MEX3A: variants seen among roughly 807,000 people sequenced by gnomAD.
MEX3A encodes the protein mex-3 RNA binding family member A.
MEX3A carries 4 observed loss-of-function variants against 30.0 expected under a neutral mutation model. The ratio of observed to expected loss-of-function variants is 0.13; its 90% confidence interval spans 0.07 to 0.30. MEX3A has a LOEUF of 0.30. MEX3A is among the 10% of genes least tolerant of loss of function. The pLI is 1.00. For missense variants in MEX3A, 555 were observed against 736.7 expected, an observed-to-expected ratio of 0.75 and a Z score of 2.86; for synonymous variants, 335 against 327.6, an observed-to-expected ratio of 1.02 and a Z score of -0.24.
chr1:156,078,713 C>G (rs985431329), intron 1 of MEX3A, among the ~76,000 whole-genome samples: 5 of 152,192 alleles, frequency 3.3e-5, no homozygotes, highest in Non-Finnish European at 7.3e-5. Flanking sequence ...CTTCCCTGCT[C>G]CTAGCTTCAC....
At chr1:156,078,117 T>C (rs1427950373) in intron 1 of MEX3A, among the ~76,000 whole-genome samples, 1 of 152,136 alleles carries the variant, frequency 6.6e-6, no homozygotes, top group East Asian at 1.9e-4. Context: ...ACCCCCCACA[T>C]CTGTCACTGA....
At chr1:156,080,069 C>G (rs2102778081) in intron 1 of MEX3A, among the ~76,000 whole-genome samples, 1 of 152,298 alleles carries the variant, frequency 6.6e-6, no homozygotes, top group Middle Eastern at 3.4e-3. Flanking sequence ...AATCCCCTTA[C>G]TTTTATGAGG....
rs1648252608 is a variant in MEX3A at position 156,081,758 on chromosome 1, G to A, written c.241C>T (p.Pro81Ser). 3 of 836,686 alleles carry A rather than the reference G, an allele frequency of 3.6e-6. No homozygotes were observed. Among genetic ancestry groups the A allele is most frequent in the Non-Finnish European group, 4.3e-6 (3 of 695,846 alleles). 51.8% of individuals were successfully genotyped at this position (836,686 alleles called of 1,614,324 possible). Residue 81 changes from proline (P) to serine (S), a missense_variant, in exon 1 of 2, where the codon CCG becomes TCG. Around this residue, in one of 6 missense-constraint regions of MEX3A, gnomAD observed 159 missense variants for 159.9 expected, o/e 0.99. Transcript: ENST00000532414. Reference protein sequence around the residue: ...AQPAAPPQPAPPPPPAAPPAA... With the variant: ...AQPAAPPQPASPPPPAAPPAA... ...GGGGGCGCCGCGGGCGGCGGCGGCG[G>A]GGCCGGCTGCGGGGGGGCGGCCGGC...
chr1:156,079,338 C>T lies in MEX3A; in HGVS notation c.455-1656G>A, dbSNP rs183427773. Among the ~76,000 whole-genome samples the T allele has an allele frequency of 6.3e-3, 958 of 152,080 alleles. 3 individuals are homozygous for T. The highest frequency in any genetic ancestry group is 0.017 in the Middle Eastern group (5 of 292). ...AAGCGATTCTCCTGCCTCAGCCTCC[C>T]GAGTAGCTGGGATCACAGGCACCTG... On this transcript the variant is annotated intron_variant, in intron 1 of 1. Coordinates refer to ENST00000532414, the MANE Select transcript of MEX3A (RefSeq NM_001093725.2).
At chr1:156,079,418 G>C (rs1168265271) in intron 1 of MEX3A, among the ~76,000 whole-genome samples, 4 of 152,044 alleles carry the variant, frequency 2.6e-5, no homozygotes, top group Non-Finnish European at 5.9e-5. Context: ...GTTTCACCAC[G>C]TTGGCCAGGC....
rs769117344 is a variant in MEX3A at position 156,076,563 on chromosome 1, G to C, written c.*11C>G. On this transcript the variant is annotated 3_prime_UTR_variant, in exon 2 of 2. Coordinates refer to ENST00000532414, the MANE Select transcript of MEX3A (RefSeq NM_001093725.2). The surrounding 1 kb of genome is among the most constrained non-coding windows in gnomAD (Gnocchi z 6.0). ...CAGTGGAGTGGGCCCCGGAGGCATGGGGCACGGGGCTTAGGAGAATATTCG... is the reference window on the plus strand; with the variant it reads ...CAGTGGAGTGGGCCCCGGAGGCATGCGGCACGGGGCTTAGGAGAATATTCG... The C allele has an allele frequency of 1.2e-6, 2 of 1,601,384 alleles. No individual in the cohort carries two copies. The highest frequency in any genetic ancestry group is 8.5e-7 in the Non-Finnish European group (1 of 1,171,262).
chr1:156,076,020 C>T lies in MEX3A; in HGVS notation c.*554G>A, dbSNP rs906118737. 6.6e-6 allele frequency: 1 copy of T among 152,600 alleles called. No individual in the cohort carries two copies. The highest frequency in any genetic ancestry group is 2.4e-5 in the African/African-American group (1 of 41,422). 9.5% of individuals were successfully genotyped at this position (152,600 alleles called of 1,614,324 possible). On this transcript the variant is annotated 3_prime_UTR_variant, in exon 2 of 2. Transcript: ENST00000532414. The surrounding 1 kb of genome is among the most constrained non-coding windows in gnomAD (Gnocchi z 6.0). ...AAGATCTATGCAACTTCTGATAGGACTCCAACTCCCTTACACTGCTGGAAA... is the reference window on the plus strand; with the variant it reads ...AAGATCTATGCAACTTCTGATAGGATTCCAACTCCCTTACACTGCTGGAAA...
In MEX3A at chr1:156,081,672, C is replaced by T. The variant is rs747610501; in HGVS notation, c.327G>A (p.Gly109=). ...QTPQPPTAPK[G]ASDAKLCALY... is the part of the protein sequence containing the mutation. ...GAGCGCAGAGCTTGGCGTCGCTCGC[C>T]CCTTTGGGGGCGGTGGGGGGCTGGG... Residue 109 remains glycine (G), a synonymous_variant, in exon 1 of 2, where the codon GGG becomes GGA. Coordinates refer to ENST00000532414, the MANE Select transcript of MEX3A (RefSeq NM_001093725.2). The T allele has an allele frequency of 8.0e-5, 119 of 1,496,382 alleles. No homozygotes were observed. The highest frequency in any genetic ancestry group is 1.3e-4 in the Admixed American group (6 of 47,138). The allele number at this position is 1,496,382 out of a possible 1,614,324, so 92.7% of individuals were successfully genotyped here. A position where few individuals can be genotyped will look rare whatever the true frequency, so the allele number is the denominator to read the frequency against.
In MEX3A at chr1:156,075,314, G is replaced by GTTCAGGTCAGGTTGA. The variant is rs1648025795; in HGVS notation, c.*1259_*1260insTCAACCTGACCTGAA. On this transcript the variant is annotated 3_prime_UTR_variant, in exon 2 of 2. Coordinates refer to ENST00000532414, the MANE Select transcript of MEX3A (RefSeq NM_001093725.2). ...TCAGGTCAGGTTGAGAGGGGTGCAG[G>GTTCAGGTCAGGTTGA]GAGTCGGGCACTGCATGGGAGGAGC... 3 of 152,312 alleles carry GTTCAGGTCAGGTTGA rather than the reference G, an allele frequency of 2.0e-5. No homozygotes were observed. The highest frequency in any genetic ancestry group is 7.2e-5 in the African/African-American group (3 of 41,428). The allele number at this position is 152,312 out of a possible 1,614,324, so 9.4% of individuals were successfully genotyped here. A position where few individuals can be genotyped will look rare whatever the true frequency, so the allele number is the denominator to read the frequency against.
At chr1:156,079,348 G>A (rs1472401766) in intron 1 of MEX3A, among the ~76,000 whole-genome samples, 1 of 152,014 alleles carries the variant, frequency 6.6e-6, no homozygotes, top group African/African-American at 2.4e-5. Flanking sequence ...CGAGTAGCTG[G>A]GATCACAGGC....
Position 156,082,027 on chromosome 1 carries a change from A to AGG in MEX3A, c.-31_-30dup. The AGG allele has an allele frequency of 4.4e-6, 5 of 1,145,336 alleles. No individual in the cohort carries two copies. The highest frequency in any genetic ancestry group is 5.7e-6 in the Non-Finnish European group (5 of 872,950). 70.9% of individuals were successfully genotyped at this position (1,145,336 alleles called of 1,614,324 possible). On this transcript the variant is annotated 5_prime_UTR_variant, in exon 1 of 2. Transcript: ENST00000532414. ...GAAACAAAAGCTGGGGGAGAGAGAG[A>AGG]GGGAGAGAGAGAGAGAGAGGTGGTG...
chr1:156,078,126 G>T (rs1476732045), intron 1 of MEX3A, among the ~76,000 whole-genome samples: 3 of 152,022 alleles, frequency 2.0e-5, no homozygotes, highest in Non-Finnish European at 4.4e-5. Context: ...ATCTGTCACT[G>T]ACCCTGATCT....
rs1648004606 is a variant in MEX3A at position 156,074,531 on chromosome 1, A to C, written c.*2043T>G. 1 of 146,162 alleles carries C rather than the reference A, an allele frequency of 6.8e-6. No individual in the cohort carries two copies. The highest frequency in any genetic ancestry group is 1.5e-5 in the Non-Finnish European group (1 of 67,024). The allele number at this position is 146,162 out of a possible 1,614,324, so 9.1% of individuals were successfully genotyped here. On this transcript the variant is annotated 3_prime_UTR_variant, in exon 2 of 2. Coordinates refer to ENST00000532414, the MANE Select transcript of MEX3A (RefSeq NM_001093725.2). ...CTATTCGTGTTTTGTGTTTGTTTCT[A>C]GGTTTGGCTCAATTGGTAAGGGTGG...
Position 156,077,376 on chromosome 1 carries a change from T to C in MEX3A, c.761A>G (p.Asn254Ser). 1 of 1,613,546 alleles carries C rather than the reference T, an allele frequency of 6.2e-7. No individual in the cohort carries two copies. Among genetic ancestry groups the C allele is most frequent in the South Asian group, 1.1e-5 (1 of 91,054 alleles). ...ATIKRIQQQT[N>S]TYIITPSRDR... ...ACGGCTTGGTGTGATAATGTATGTG[T>C]TGGTTTGCTGCTGGATGCGCTTGAT... Residue 254 changes from asparagine to serine, a missense_variant, in exon 2 of 2, where the codon AAC becomes AGC. Transcript: ENST00000532414. The surrounding 1 kb of genome is among the most constrained non-coding windows in gnomAD (Gnocchi z 8.3).
Position 156,076,407 on chromosome 1 carries a change from A to C in MEX3A, c.*167T>G. 4.5e-6 allele frequency: 3 copies of C among 665,064 alleles called. No individual in the cohort carries two copies. Among genetic ancestry groups the C allele is most frequent in the Non-Finnish European group, 4.8e-6 (2 of 413,040 alleles). 41.2% of individuals were successfully genotyped at this position (665,064 alleles called of 1,614,324 possible). A position where few individuals can be genotyped will look rare whatever the true frequency, so the allele number is the denominator to read the frequency against. On this transcript the variant is annotated 3_prime_UTR_variant, in exon 2 of 2. Coordinates refer to ENST00000532414, the MANE Select transcript of MEX3A (RefSeq NM_001093725.2). This position sits in a 1 kb window ranked among gnomAD's most constrained non-coding sequence, Gnocchi z 6.0. ...CAGGACAGGGTGACCAGAGGCTCTG[A>C]AAGTGGCGCACCCTCCAGCCACCAC...
chr1:156,081,691 G>A lies in MEX3A; in HGVS notation c.308C>T (p.Pro103Leu). The change falls in exon 1 of 2, where the codon CCC becomes CTC. Residue 103 changes from proline (P) to leucine (L), a missense_variant. This residue lies in a region of MEX3A where 159 missense variants were observed against 159.9 expected (regional missense o/e 0.99). Transcript: ENST00000532414. ...GCTCGCCCCTTTGGGGGCGGTGGGG[G>A]GCTGGGGCGTCTGCGCTGCGGGGGC... ...TAAPAAQTPQPPTAPKGASDA... is the reference protein window; with the variant it reads ...TAAPAAQTPQLPTAPKGASDA... 1 of 1,371,208 alleles carries A rather than the reference G, an allele frequency of 7.3e-7. No homozygotes were observed. Among genetic ancestry groups the A allele is most frequent in the Non-Finnish European group, 9.5e-7 (1 of 1,051,828 alleles). The allele number at this position is 1,371,208 out of a possible 1,614,324, so 84.9% of individuals were successfully genotyped here.
At position 156,081,455 on chromosome 1, in the gene MEX3A, C is replaced by A. The variant is rs1402458262; in HGVS notation, c.454+90G>T. 2.6e-6 allele frequency: 3 copies of A among 1,144,600 alleles called. No individual in the cohort carries two copies. The African/African-American group carries it at 4.7e-5, about 18-fold the overall frequency. 70.9% of individuals were successfully genotyped at this position (1,144,600 alleles called of 1,614,324 possible). ...TGTGGGGAAGGGACAGAGCCGGAGGCGGGCAAGAAGGGAAGAAATGAACTT... is the reference window on the plus strand; with the variant it reads ...TGTGGGGAAGGGACAGAGCCGGAGGAGGGCAAGAAGGGAAGAAATGAACTT... On this transcript the variant is annotated intron_variant, in intron 1 of 1. Coordinates refer to ENST00000532414, the MANE Select transcript of MEX3A (RefSeq NM_001093725.2).
At position 156,075,995 on chromosome 1, in the gene MEX3A, A is replaced by C. The variant is rs1572298030; in HGVS notation, c.*579T>G. 1 of 152,442 alleles carries C rather than the reference A, an allele frequency of 6.6e-6. No homozygotes were observed. The highest frequency in any genetic ancestry group is 1.9e-4 in the East Asian group (1 of 5,320). 9.4% of individuals were successfully genotyped at this position (152,442 alleles called of 1,614,324 possible). Reference sequence around the variant, plus strand: ...ACATGCTTCTCTCCCCAACCCCTAGAAGATCTATGCAACTTCTGATAGGAC... The same window carrying C: ...ACATGCTTCTCTCCCCAACCCCTAGCAGATCTATGCAACTTCTGATAGGAC... On this transcript the variant is annotated 3_prime_UTR_variant, in exon 2 of 2. Coordinates refer to ENST00000532414, the MANE Select transcript of MEX3A (RefSeq NM_001093725.2).
Position 156,081,531 on chromosome 1 carries a change from G to C in MEX3A, c.454+14C>G. The C allele has an allele frequency of 6.2e-7, 1 of 1,602,144 alleles. No individual in the cohort carries two copies. The highest frequency in any genetic ancestry group is 8.5e-7 in the Non-Finnish European group (1 of 1,175,554). On this transcript the variant is annotated intron_variant, in intron 1 of 1. Coordinates refer to ENST00000532414, the MANE Select transcript of MEX3A (RefSeq NM_001093725.2). ...CACTACAGTCCCTCTCAGTGGTCCC[G>C]GCGCCCCGCTTACCTTGCCTGCCCA...
Sources: gnomAD v4.1 joint callset for allele counts (sites outside exome capture counted in the v4.1 genomes callset) on GRCh38, gnomAD v4.1.1 for gene constraint, gnomAD v4.1.1 regional missense constraint, Gnocchi (gnomAD v3.1) non-coding constraint, MANE v1.5 for transcripts, NCBI Gene and HGNC (gene_info 2026-07-23, HGNC 2026-07-21) for gene names.